Variants in RYR2 observed in about 807,000 individuals in gnomAD.
RYR2 encodes ryanodine receptor 2.
Under a neutral mutation model 601.1 loss-of-function variants are expected in RYR2, and 227 were observed. The observed-to-expected ratio is 0.38, with a 90% CI of 0.34 to 0.42. The LOEUF (loss-of-function observed/expected upper bound fraction) is 0.42, where lower values mean the gene tolerates loss of function less well. RYR2 is among the 10% of genes least tolerant of loss of function. The pLI is 1.00. For missense variants in RYR2, 4,646 were observed against 6,156.5 expected (o/e 0.75, Z 8.21); for synonymous variants, 2,223 against 2,175.1 (o/e 1.02, Z -0.61).
chr1:237,406,156 T>TCCCC (rs1558764569), intron 10 of RYR2, among the ~76,000 whole-genome samples: 7 of 14,286 alleles, frequency 4.9e-4, no homozygotes, highest in African/African-American at 1.0e-3. Flanking sequence ...TCCCCTCCCC[T>TCCCC]TCCCTTCCCT....
chr1:237,164,823 C>G (rs577445752), intron 1 of RYR2, among the ~76,000 whole-genome samples: 2 of 152,248 alleles, frequency 1.3e-5, no homozygotes, highest in South Asian at 4.1e-4. Flanking sequence ...TGTTTTTCTC[C>G]ACGTTTACTG....
At chr1:237,469,064 A>T (rs753655427) in intron 16 of RYR2, 28 bp from the exon 17 acceptor site, 3 of 1,588,288 alleles carry the variant, frequency 1.9e-6, no homozygotes, top group Non-Finnish European at 2.6e-6. Flanking sequence ...AAATCACATA[A>T]AGGTGAAATC....
At chr1:237,506,910 CAGTT>C (rs1379338810) in intron 23 of RYR2, 96 bp downstream of exon 23, 67 of 1,006,836 alleles carry the variant, frequency 6.7e-5, no homozygotes, top group South Asian at 5.0e-4. Context: ...TGACATCAAT[CAGTT>C]AGTTGGATTG....
At chr1:237,731,752 C>T (rs931372029) in intron 77 of RYR2, among the ~76,000 whole-genome samples, 1 of 151,942 alleles carries the variant, frequency 6.6e-6, no homozygotes, top group Non-Finnish European at 1.5e-5. Context: ...TAACAGATAT[C>T]TAGCATATTA....
chr1:237,443,719 A>G (rs1708105195), intron 13 of RYR2, among the ~76,000 whole-genome samples: 1 of 152,178 alleles, frequency 6.6e-6, no homozygotes, highest in Non-Finnish European at 1.5e-5. Context: ...ATGTGTCACA[A>G]AACACCATTC....
chr1:237,654,383 T>G lies in RYR2; in HGVS notation c.7934T>G (p.Phe2645Cys), dbSNP rs747473259. 1.9e-6 allele frequency: 3 copies of G among 1,613,954 alleles called. No homozygotes were observed. Among genetic ancestry groups the G allele is most frequent in the Non-Finnish European group, 2.5e-6 (3 of 1,179,870 alleles). ...GAACTTCATTTATCAAGAAAGTTGTTCTGGGGCATTTTTGATGCCCTGTCT... is the reference window on the plus strand; with the variant it reads ...GAACTTCATTTATCAAGAAAGTTGTGCTGGGGCATTTTTGATGCCCTGTCT... ...EEELHLSRKL[F>C]WGIFDALSQK... The change falls in exon 52 of 105, where the codon TTC (phenylalanine) becomes TGC (cysteine). Residue 2645 changes from phenylalanine (F) to cysteine (C), a missense_variant. By Grantham distance (205) the Phe-to-Cys change is radical. Transcript: ENST00000366574.
intron 100 of RYR2, among the ~76,000 whole-genome samples, chr1:237,814,739 G>A (rs763881908): frequency 1.2e-4 from 18 of 152,148 alleles, no homozygotes; most frequent in Non-Finnish European, 1.9e-4. Flanking sequence ...CATATAGGAC[G>A]ATGTTCATCT....
intron 66 of RYR2, 141 bp from the exon 67 acceptor site, chr1:237,705,072 C>T (rs769734909): frequency 1.5e-6 from 1 of 681,688 alleles, no homozygotes; most frequent in Non-Finnish European, 2.5e-6. Context: ...TGATGTTTAG[C>T]AATACAGAAA....
intron 97 of RYR2, chr1:237,800,021 C>G (rs1024822684): frequency 2.6e-5 from 4 of 152,180 alleles, no homozygotes; most frequent in African/African-American, 9.7e-5. Flanking sequence ...CCATGGCCCT[C>G]CCCCAGAGGT....
intron 17 of RYR2, chr1:237,471,117 A>G (rs966154264): frequency 1.9e-5 from 3 of 154,434 alleles, no homozygotes; most frequent in African/African-American, 7.2e-5. Context: ...CAGGCTTTCC[A>G]CTTGGCAGGT....
Position 237,106,252 on chromosome 1 carries a change from G to C in RYR2, c.48+63683G>C, listed in dbSNP as rs1043059499. On this transcript the variant is annotated intron_variant, in intron 1 of 104. Transcript: ENST00000366574. The surrounding 1 kb of genome is among the most constrained non-coding windows in gnomAD (Gnocchi z 4.4). Reference sequence around the variant, plus strand: ...GAATAGATGTTCCTGGTAAACAGGGGTGGGCAGGGAGAACAGCTCCCCTGC... The same window carrying C: ...GAATAGATGTTCCTGGTAAACAGGGCTGGGCAGGGAGAACAGCTCCCCTGC... Among the ~76,000 whole-genome samples the C allele has an allele frequency of 6.6e-6, 1 of 152,196 alleles. No individual in the cohort carries two copies. Among genetic ancestry groups the C allele is most frequent in the Non-Finnish European group, 1.5e-5 (1 of 68,030 alleles).
rs74147182 is a variant in RYR2, at chr1:237,638,162, A to G, written c.6793-195A>G. On this transcript the variant is annotated intron_variant, in intron 44 of 104. Coordinates refer to ENST00000366574, the MANE Select transcript of RYR2 (RefSeq NM_001035.3). ...ATTTTTATTATGATGCCATTTTATG[A>G]CGATATTTAAATATTTCTAAAGTCT... Among the ~76,000 whole-genome samples the G allele has an allele frequency of 0.012, 1,844 of 152,208 alleles. 47 individuals carry two copies. Among genetic ancestry groups the G allele is most frequent in the African/African-American group, 0.041 (1,720 of 41,536 alleles).
At chr1:237,289,189 C>T (rs1168171854) in intron 2 of RYR2, among the ~76,000 whole-genome samples, 1 of 152,164 alleles carries the variant, frequency 6.6e-6, no homozygotes, top group Non-Finnish European at 1.5e-5. Flanking sequence ...AGTCCGCTTC[C>T]TTCAGAGGCT....
intron 101 of RYR2, among the ~76,000 whole-genome samples, chr1:237,826,899 C>G (rs542803760): frequency 2.6e-5 from 4 of 152,138 alleles, no homozygotes; most frequent in African/African-American, 9.7e-5. Context: ...TCCATCTATA[C>G]CCAGGCAATC....
At chr1:237,821,262 C>T (rs888873346) in intron 101 of RYR2, among the ~76,000 whole-genome samples, 1 of 152,114 alleles carries the variant, frequency 6.6e-6, no homozygotes, top group African/African-American at 2.4e-5. Flanking sequence ...CGACAGACAC[C>T]TTATACAGGA....
At chr1:237,405,293 G>A (rs777103279) in intron 10 of RYR2, among the ~76,000 whole-genome samples, 5 of 152,140 alleles carry the variant, frequency 3.3e-5, no homozygotes, top group African/African-American at 4.8e-5. Context: ...GTGGTATCCT[G>A]GAGTCAAAGC....
intron 3 of RYR2, among the ~76,000 whole-genome samples, chr1:237,347,366 G>A (rs1453226077): frequency 2.0e-5 from 3 of 152,072 alleles, no homozygotes; most frequent in Non-Finnish European, 2.9e-5. Flanking sequence ...AAATACATAT[G>A]TATAATAATA....
intron 79 of RYR2, among the ~76,000 whole-genome samples, chr1:237,738,225 T>C (rs1237131033): frequency 6.6e-6 from 1 of 152,244 alleles, no homozygotes; most frequent in African/African-American, 2.4e-5. Flanking sequence ...CTTAGGTTTT[T>C]GTTTTTCAGT....
At chr1:237,054,008 C>T (rs1469607642) in intron 1 of RYR2, among the ~76,000 whole-genome samples, 1 of 152,158 alleles carries the variant, frequency 6.6e-6, no homozygotes, top group Admixed American at 6.5e-5. Context: ...ATTCCTGGAA[C>T]AATCCATTTA....
Sources: gnomAD v4.1 joint callset for allele counts (sites outside exome capture counted in the v4.1 genomes callset) on GRCh38, gnomAD v4.1.1 for gene constraint, Gnocchi (gnomAD v3.1) non-coding constraint, MANE v1.5 for transcripts, NCBI Gene and HGNC (gene_info 2026-07-23, HGNC 2026-07-21) for gene names.